Variants in ASIC2 observed in about 807,000 individuals in gnomAD.
ASIC2 encodes the protein acid-sensing ion channel 2.
In ASIC2, 25 loss-of-function variants were observed where a neutral mutation model predicts 57.3. The observed-to-expected ratio is 0.44, with a 90% CI of 0.32 to 0.61. The LOEUF (loss-of-function observed/expected upper bound fraction) is 0.61. Ranked by LOEUF, ASIC2 falls within the 20% of genes least tolerant of loss-of-function variation. The pLI is 0.06. For missense variants in ASIC2, 641 were observed against 738.1 expected (o/e 0.87, Z 1.52); for synonymous variants, 319 against 307.5 (o/e 1.04, Z -0.39).
intron 1 of ASIC2, among the ~76,000 whole-genome samples, chr17:33,231,197 T>C (rs1463825917): frequency 1.3e-5 from 2 of 152,282 alleles, no homozygotes; most frequent in East Asian, 3.9e-4. Flanking sequence ...ACCAGGCACG[T>C]TCTCGCTATC....
chr17:34,013,164 C>T (rs559946003), intron 1 of ASIC2, among the ~76,000 whole-genome samples: 2 of 152,210 alleles, frequency 1.3e-5, no homozygotes, highest in Admixed American at 6.5e-5. Context: ...CGGGGGCCAA[C>T]TGGCAGTGGA....
intron 1 of ASIC2, among the ~76,000 whole-genome samples, chr17:33,880,592 C>T (rs899393393): frequency 3.3e-5 from 5 of 152,100 alleles, no homozygotes; most frequent in Non-Finnish European, 5.9e-5. Context: ...CAATAACAGG[C>T]TCTGAAATTG....
chr17:33,663,521 T>G (rs1907365864), intron 1 of ASIC2, among the ~76,000 whole-genome samples: 1 of 149,866 alleles, frequency 6.7e-6, no homozygotes, highest in South Asian at 2.2e-4. Context: ...AGAGTCTTCC[T>G]TTTAGACCTT....
At chr17:33,585,761 C>T (rs1179931004) in intron 1 of ASIC2, among the ~76,000 whole-genome samples, 1 of 152,132 alleles carries the variant, frequency 6.6e-6, no homozygotes, top group Non-Finnish European at 1.5e-5. Flanking sequence ...TTAGTTTTCC[C>T]TTCTGCCCGC....
chr17:33,423,594 C>T (rs1911116314), intron 1 of ASIC2, among the ~76,000 whole-genome samples: 2 of 152,166 alleles, frequency 1.3e-5, no homozygotes, highest in African/African-American at 2.4e-5. Flanking sequence ...GTAGACTTGC[C>T]TTCCTTAGCC....
chr17:33,347,248 C>T (rs1907985099), intron 1 of ASIC2, among the ~76,000 whole-genome samples: 1 of 152,178 alleles, frequency 6.6e-6, no homozygotes, highest in Non-Finnish European at 1.5e-5. Flanking sequence ...ACATGAGCAT[C>T]TTTTCAGTAT....
At chr17:33,933,365 G>A (rs1915987042) in intron 1 of ASIC2, among the ~76,000 whole-genome samples, 1 of 152,200 alleles carries the variant, frequency 6.6e-6, no homozygotes, top group South Asian at 2.1e-4. Flanking sequence ...CAGACAGGGA[G>A]CCTCTGTCTC....
intron 1 of ASIC2, among the ~76,000 whole-genome samples, chr17:33,987,919 T>G (rs1421062649): frequency 6.6e-6 from 1 of 152,208 alleles, no homozygotes; most frequent in African/African-American, 2.4e-5. Flanking sequence ...TAAACAGTAA[T>G]AAGAGCTTAA....
intron 1 of ASIC2, among the ~76,000 whole-genome samples, chr17:34,149,785 G>T (rs1216232598): frequency 6.6e-6 from 1 of 152,312 alleles, no homozygotes; most frequent in South Asian, 2.1e-4. Context: ...GTACACTGTG[G>T]GTGGGAATGG....
At chr17:34,132,011 G>C (rs1244433211) in intron 1 of ASIC2, among the ~76,000 whole-genome samples, 1 of 152,294 alleles carries the variant, frequency 6.6e-6, no homozygotes, top group Middle Eastern at 3.4e-3. Flanking sequence ...TGGAATTTGA[G>C]ACACCATCTC....
chr17:33,748,963 G>C (rs1335423675), intron 1 of ASIC2, among the ~76,000 whole-genome samples: 1 of 152,196 alleles, frequency 6.6e-6, no homozygotes, highest in Non-Finnish European at 1.5e-5. Context: ...CAGGACACGT[G>C]TCTGCAGCAT....
intron 1 of ASIC2, among the ~76,000 whole-genome samples, chr17:33,173,985 C>T (rs1905635633): frequency 6.6e-6 from 1 of 152,136 alleles, no homozygotes; most frequent in Admixed American, 6.5e-5. Flanking sequence ...CCCACAAGTG[C>T]CTCTGCTGCC....
chr17:33,731,846 T>G (rs1465276644), intron 1 of ASIC2, among the ~76,000 whole-genome samples: 3 of 152,096 alleles, frequency 2.0e-5, no homozygotes, highest in Non-Finnish European at 4.4e-5. Context: ...GCAAAGACAG[T>G]GTTCAGAACA....
In ASIC2 at chr17:33,881,048, C is replaced by A. The variant is rs563325059; in HGVS notation, c.555+274930G>T. ...CAATAGATGCAGAAAAGGCCTTTGA[C>A]AAAATTCAACAGCCCTTCATGCTAA... On this transcript the variant is annotated intron_variant, in intron 1 of 9. Transcript: ENST00000359872. 2.6e-5 allele frequency among the ~76,000 whole-genome samples: 4 copies of A among 152,242 alleles called. No homozygotes were observed. In the East Asian group the frequency reaches 5.8e-4, roughly 22 times the overall value.
At chr17:33,677,164 C>T (rs1412308978) in intron 1 of ASIC2, among the ~76,000 whole-genome samples, 2 of 152,218 alleles carry the variant, frequency 1.3e-5, no homozygotes, top group Admixed American at 1.3e-4. Flanking sequence ...TAGGTGGCTA[C>T]ACTAAACAAT....
intron 1 of ASIC2, among the ~76,000 whole-genome samples, chr17:33,255,607 G>A (rs1264783458): frequency 1.6e-5 from 2 of 126,458 alleles, no homozygotes; most frequent in African/African-American, 6.0e-5. Context: ...GGACGGGGGG[G>A]TGGAGGAGTC....
chr17:33,361,811 C>A (rs1597699117), intron 1 of ASIC2, among the ~76,000 whole-genome samples: 2 of 152,292 alleles, frequency 1.3e-5, no homozygotes, highest in South Asian at 4.2e-4. Context: ...ACAGTTCTTG[C>A]CCTTGCTAAT....
chr17:34,040,242 G>T (rs1232467272), intron 1 of ASIC2, among the ~76,000 whole-genome samples: 2 of 147,838 alleles, frequency 1.4e-5, no homozygotes, highest in Non-Finnish European at 3.0e-5. Flanking sequence ...GGCCACTCGG[G>T]TGCGGCGCGG....
chr17:33,190,259 G>A (rs887019705), intron 1 of ASIC2, among the ~76,000 whole-genome samples: 3 of 151,968 alleles, frequency 2.0e-5, no homozygotes, highest in African/African-American at 4.8e-5. Context: ...CTATATAAAC[G>A]GTTGGAAATT....
Sources: allele counts gnomAD v4.1 joint callset (sites outside exome capture counted in the v4.1 genomes callset), GRCh38; gene constraint gnomAD v4.1.1; transcripts MANE v1.5; gene names NCBI Gene and HGNC (gene_info 2026-07-23, HGNC 2026-07-21).